ARCN1: variants seen among roughly 807,000 people sequenced by gnomAD.
ARCN1 encodes coatomer subunit delta.
A neutral mutation model predicts 60.4 loss-of-function variants in ARCN1; 5 were observed. The observed-to-expected ratio is 0.08, with a 90% CI of 0.04 to 0.17. ARCN1 has a LOEUF of 0.17. Ranked by LOEUF, ARCN1 falls within the 10% of genes least tolerant of loss-of-function variation. ARCN1 has a pLI of 1.00. For missense variants in ARCN1, 464 were observed against 626.5 expected, an observed-to-expected ratio of 0.74 and a Z score of 2.77; for synonymous variants, 224 against 220.0, an observed-to-expected ratio of 1.02 and a Z score of -0.16.
chr11:118,572,705 C>T, intron 1 of ARCN1, 155 bp downstream of exon 1: 1 of 857,118 alleles, frequency 1.2e-6, no homozygotes, highest in Non-Finnish European at 1.8e-6. Flanking sequence ...GCCTCCTGTG[C>T]CCGGTCTCCT....
chr11:118,597,658 G>A lies in ARCN1; in HGVS notation c.1242-49G>A, dbSNP rs782024507. 5 of 1,590,886 alleles carry A rather than the reference G, an allele frequency of 3.1e-6. No homozygotes were observed. The African/African-American group carries it at 4.0e-5, about 13-fold the overall frequency. The stretch of plus-strand genomic sequence containing the variant: ...AATTTGGGGTTGGTTTTCCGTGGTG[G>A]AGTTCTAGCTCTGAACAGCTACCTT... On this transcript the variant is annotated intron_variant, in intron 8 of 9. Transcript: ENST00000264028.
At chr11:118,573,847 G>T in intron 1 of ARCN1, 1 of 510,828 alleles carries the variant, frequency 2.0e-6, no homozygotes, top group Non-Finnish European at 3.5e-6. Flanking sequence ...AAAATTTCCA[G>T]AAACTTGTAT....
intron 1 of ARCN1, chr11:118,572,838 C>T (rs910481303): frequency 4.8e-6 from 2 of 420,766 alleles, no homozygotes; most frequent in Non-Finnish European, 8.5e-6. Context: ...CGTTTTTGCT[C>T]TGCGAGAACT....
At chr11:118,575,993 AC>A (rs1938489216) in intron 1 of ARCN1, among the ~76,000 whole-genome samples, 1 of 145,900 alleles carries the variant, frequency 6.9e-6, no homozygotes, top group African/African-American at 2.6e-5. Flanking sequence ...TTTTTCTGTT[AC>A]TGTAGTTTTC....
chr11:118,592,865 C>T lies in ARCN1; in HGVS notation c.1132+9C>T, dbSNP rs1413775158. On this transcript the variant is annotated intron_variant, in intron 7 of 9. Coordinates refer to ENST00000264028, the MANE Select transcript of ARCN1 (RefSeq NM_001655.5). The stretch of plus-strand genomic sequence containing the variant: ...TTTTATTCCACTGACAAGTAAGTGC[C>T]TCTGGCCAGTCCCACTAAGCTAGTT... 6.2e-6 allele frequency: 10 copies of T among 1,612,008 alleles called. No homozygotes were observed. The highest frequency in any genetic ancestry group is 2.7e-5 in the African/African-American group (2 of 74,898).
intron 1 of ARCN1, among the ~76,000 whole-genome samples, chr11:118,576,118 C>T (rs781931432): frequency 1.3e-5 from 2 of 151,918 alleles, no homozygotes; most frequent in Non-Finnish European, 2.9e-5. Context: ...TCCAAGGTCA[C>T]ATAATTAGTG....
chr11:118,586,387 G>A (rs1043018539), intron 5 of ARCN1, among the ~76,000 whole-genome samples: 1 of 152,150 alleles, frequency 6.6e-6, no homozygotes, highest in African/African-American at 2.4e-5. Context: ...GTGAGCCACC[G>A]TGCCCAGCCA....
rs553441535 is a variant in ARCN1, at chr11:118,580,123, G to C, written c.4-1123G>C. Among the ~76,000 whole-genome samples the C allele has an allele frequency of 2.0e-5, 3 of 152,144 alleles. No homozygotes were observed. In the South Asian group the frequency reaches 6.2e-4, roughly 32 times the overall value. ...TGATCACTTGAGTCCAGAAGTTCAA[G>C]ACCAGCCTGGGCAACATGGTGAAAC... is the stretch of plus-strand genomic sequence containing the variant. On this transcript the variant is annotated intron_variant, in intron 1 of 9. Coordinates refer to ENST00000264028, the MANE Select transcript of ARCN1 (RefSeq NM_001655.5).
chr11:118,577,012 C>G (rs527723755), intron 1 of ARCN1, among the ~76,000 whole-genome samples: 1 of 152,098 alleles, frequency 6.6e-6, no homozygotes, highest in African/African-American at 2.4e-5. Context: ...TGGCAAAACC[C>G]TGTCTCTACA....
At chr11:118,584,685 A>G (rs374404033) in intron 5 of ARCN1, 41 bp downstream of exon 5, 1 of 1,485,608 alleles carries the variant, frequency 6.7e-7, no homozygotes. Context: ...CTTTGAATAC[A>G]GTCCACATAA....
rs1476665078 is a variant in ARCN1 at position 118,600,986 on chromosome 11, A to G, written c.*272A>G. ...TGGCCAGCAGGAAAGCAAGCTCTCC[A>G]GAGAATGCCCCCAGTTAAATACCTC... On this transcript the variant is annotated 3_prime_UTR_variant, in exon 10 of 10. Transcript: ENST00000264028. The G allele has an allele frequency of 5.3e-6, 1 of 190,094 alleles. No individual in the cohort carries two copies. The highest frequency in any genetic ancestry group is 5.7e-5 in the Admixed American group (1 of 17,460). 11.8% of individuals were successfully genotyped at this position (190,094 alleles called of 1,614,324 possible).
At chr11:118,574,972 CT>C (rs1938454008) in intron 1 of ARCN1, among the ~76,000 whole-genome samples, 1 of 152,008 alleles carries the variant, frequency 6.6e-6, no homozygotes, top group African/African-American at 2.4e-5. Context: ...CATGTTCTGA[CT>C]TTTTTTCTTG....
At chr11:118,590,859 A>C (rs1938891648) in intron 6 of ARCN1, among the ~76,000 whole-genome samples, 1 of 152,260 alleles carries the variant, frequency 6.6e-6, no homozygotes, top group African/African-American at 2.4e-5. Context: ...GTTTTAAAAA[A>C]ACAAGGCTTT....
At chr11:118,597,170 G>A (rs546490854) in intron 8 of ARCN1, among the ~76,000 whole-genome samples, 2 of 152,322 alleles carry the variant, frequency 1.3e-5, no homozygotes, top group Non-Finnish European at 2.9e-5. Context: ...TCACGCCACT[G>A]TACTCCAGCC....
At chr11:118,590,183 C>A (rs573036183) in intron 5 of ARCN1, among the ~76,000 whole-genome samples, 158 bp from the exon 6 acceptor site, 1 of 151,808 alleles carries the variant, frequency 6.6e-6, no homozygotes, top group African/African-American at 2.4e-5. Context: ...TTAGTAGAGA[C>A]GGGGTTTCTC....
intron 5 of ARCN1, among the ~76,000 whole-genome samples, chr11:118,585,630 C>T (rs187797533): frequency 6.6e-6 from 1 of 152,084 alleles, no homozygotes; most frequent in Non-Finnish European, 1.5e-5. Flanking sequence ...ACCTCTGCCT[C>T]CCAGGTTCAA....
intron 8 of ARCN1, among the ~76,000 whole-genome samples, chr11:118,595,863 C>G (rs1329362404): frequency 6.6e-6 from 1 of 152,040 alleles, no homozygotes; most frequent in Non-Finnish European, 1.5e-5. Context: ...GTCAGGAGAT[C>G]GAGACCATCT....
At chr11:118,597,262 A>G (rs550528059) in intron 8 of ARCN1, among the ~76,000 whole-genome samples, 12 of 152,108 alleles carry the variant, frequency 7.9e-5, no homozygotes, top group Non-Finnish European at 1.2e-4. Flanking sequence ...CATCTCCACT[A>G]TTGATGTTTA....
At chr11:118,592,969 ACTTT>A (rs1938946046) in intron 7 of ARCN1, 113 bp downstream of exon 7, 2 of 1,158,674 alleles carry the variant, frequency 1.7e-6, no homozygotes, top group Non-Finnish European at 1.2e-6. Flanking sequence ...TGACAAAATG[ACTTT>A]CTTTTGAAAT....
Sources: allele counts gnomAD v4.1 joint callset (sites outside exome capture counted in the v4.1 genomes callset), GRCh38; gene constraint gnomAD v4.1.1; transcripts MANE v1.5; gene names NCBI Gene and HGNC (gene_info 2026-07-23, HGNC 2026-07-21).